NALF1: variants seen among roughly 807,000 people sequenced by gnomAD.
The protein encoded by NALF1 is family with sequence similarity 155 member A.
In NALF1, 3 loss-of-function variants were observed where a neutral mutation model predicts 48.4. That is an observed-to-expected ratio of 0.06 (90% CI 0.03 to 0.16). The LOEUF is 0.16. Among genes scored for constraint, NALF1 ranks in the 10% least tolerant of loss-of-function variants. The pLI is 1.00. For synonymous variants in NALF1, 262 were observed against 245.7 expected, an observed-to-expected ratio of 1.07 and a Z score of -0.62; for missense variants, 526 against 571.5, an observed-to-expected ratio of 0.92 and a Z score of 0.81.
intron 1 of NALF1, among the ~76,000 whole-genome samples, chr13:107,327,688 C>T (rs564832733): frequency 1.3e-5 from 2 of 152,084 alleles, no homozygotes; most frequent in Admixed American, 6.6e-5. Context: ...TGATCATTTC[C>T]GCTTTTCTTC....
At chr13:107,562,836 C>T (rs1452647633) in intron 1 of NALF1, among the ~76,000 whole-genome samples, 1 of 152,156 alleles carries the variant, frequency 6.6e-6, no homozygotes, top group East Asian at 1.9e-4. Flanking sequence ...TATGAGTGCT[C>T]TTTTTCATTT....
chr13:107,575,419 G>A (rs1357687511), intron 1 of NALF1, among the ~76,000 whole-genome samples: 1 of 152,128 alleles, frequency 6.6e-6, no homozygotes, highest in Non-Finnish European at 1.5e-5. Flanking sequence ...TGTCTCTCCA[G>A]GGCACCATCC....
At chr13:107,847,818 A>C (rs958293108) in intron 1 of NALF1, among the ~76,000 whole-genome samples, 2 of 152,218 alleles carry the variant, frequency 1.3e-5, no homozygotes, top group African/African-American at 4.8e-5. Flanking sequence ...TCTGACCCAC[A>C]GAAAGTGTGA....
At chr13:107,371,157 G>C (rs1436277119) in intron 1 of NALF1, among the ~76,000 whole-genome samples, 1 of 152,128 alleles carries the variant, frequency 6.6e-6, no homozygotes, top group African/African-American at 2.4e-5. Context: ...TAAGAGTTTT[G>C]AGATATTGGC....
intron 1 of NALF1, among the ~76,000 whole-genome samples, chr13:107,757,993 G>A (rs1877160702): frequency 6.6e-6 from 1 of 152,160 alleles, no homozygotes; most frequent in Admixed American, 6.5e-5. Context: ...TGATGGGAGA[G>A]ACAGATTATC....
intron 1 of NALF1, among the ~76,000 whole-genome samples, chr13:107,293,106 G>A (rs970974649): frequency 6.8e-6 from 1 of 147,896 alleles, no homozygotes; most frequent in East Asian, 2.1e-4. Context: ...TCAGCCTCCC[G>A]AGCAGCTGGG....
At chr13:107,804,752 TCA>T (rs1373479438) in intron 1 of NALF1, among the ~76,000 whole-genome samples, 1 of 152,228 alleles carries the variant, frequency 6.6e-6, no homozygotes, top group Non-Finnish European at 1.5e-5. Flanking sequence ...TCTTTAGAAT[TCA>T]ATATGCACTG....
intron 1 of NALF1, among the ~76,000 whole-genome samples, chr13:107,312,318 G>A (rs977024361): frequency 3.3e-5 from 5 of 151,782 alleles, no homozygotes; most frequent in African/African-American, 7.3e-5. Context: ...AAACGATCAC[G>A]AGGTCAAAAA....
At chr13:107,203,694 C>T (rs191699809) in intron 2 of NALF1, among the ~76,000 whole-genome samples, 65 of 152,292 alleles carry the variant, frequency 4.3e-4, no homozygotes, top group African/African-American at 1.4e-3. Context: ...TGGCTCAGGA[C>T]CCACCACTGA....
chr13:107,728,722 A>AT (rs199602334), intron 1 of NALF1, among the ~76,000 whole-genome samples: 10 of 150,434 alleles, frequency 6.6e-5, no homozygotes, highest in South Asian at 2.1e-4. Context: ...AAATAAATAA[A>AT]AAAGAAAAAG....
intron 1 of NALF1, among the ~76,000 whole-genome samples, chr13:107,614,291 T>C (rs1879319616): frequency 6.6e-6 from 1 of 152,212 alleles, no homozygotes; most frequent in Non-Finnish European, 1.5e-5. Flanking sequence ...ATTGGAGAAA[T>C]GCTTCTCTAC....
At chr13:107,374,840 G>A (rs191193000) in intron 1 of NALF1, among the ~76,000 whole-genome samples, 61 of 152,230 alleles carry the variant, frequency 4.0e-4, no homozygotes, top group African/African-American at 1.3e-3. Flanking sequence ...ACCATGTTAA[G>A]ATGCAGCAAG....
chr13:107,857,392 A>G (rs1880464888), intron 1 of NALF1, among the ~76,000 whole-genome samples: 1 of 152,236 alleles, frequency 6.6e-6, no homozygotes, highest in South Asian at 2.1e-4. Context: ...ATCTGGAGGC[A>G]CATGGCTTTC....
At chr13:107,443,672 A>C (rs1163880799) in intron 1 of NALF1, among the ~76,000 whole-genome samples, 1 of 152,180 alleles carries the variant, frequency 6.6e-6, no homozygotes, top group Non-Finnish European at 1.5e-5. Flanking sequence ...TCCACTTGCA[A>C]ATGGGTGTGT....
intron 1 of NALF1, among the ~76,000 whole-genome samples, chr13:107,589,956 T>C (rs1878561029): frequency 6.6e-6 from 1 of 152,006 alleles, no homozygotes; most frequent in Non-Finnish European, 1.5e-5. Flanking sequence ...ACCACTTCTA[T>C]TACGAATAGA....
At chr13:107,830,633 G>A (rs1019289173) in intron 1 of NALF1, among the ~76,000 whole-genome samples, 14 of 152,138 alleles carry the variant, frequency 9.2e-5, no homozygotes, top group African/African-American at 3.1e-4. Context: ...CAATTTCGGG[G>A]AGCGGGGGGA....
intron 1 of NALF1, among the ~76,000 whole-genome samples, chr13:107,704,374 T>C (rs1881897050): frequency 6.6e-6 from 1 of 152,234 alleles, no homozygotes; most frequent in Admixed American, 6.5e-5. Context: ...TCCTGATTAT[T>C]TTCTCTCATT....
At chr13:107,819,114 T>C (rs1421829005) in intron 1 of NALF1, among the ~76,000 whole-genome samples, 1 of 152,196 alleles carries the variant, frequency 6.6e-6, no homozygotes, top group Non-Finnish European at 1.5e-5. Context: ...CATGAGTAAA[T>C]ACTTTATAGC....
rs527704164 is a variant in NALF1, at chr13:107,392,709, G to C, written c.916-181954C>G. Among the ~76,000 whole-genome samples the C allele has an allele frequency of 2.0e-5, 3 of 152,232 alleles. No homozygotes were observed. In the South Asian group the frequency reaches 6.2e-4, roughly 32 times the overall value. On this transcript the variant is annotated intron_variant, in intron 1 of 2. Transcript: ENST00000375915. Reference sequence around the variant, plus strand: ...TGTGTGTGTGCGCGTGCATGCATGTGTGTGTAATCTCAAGTAATACACTGG... The same window carrying C: ...TGTGTGTGTGCGCGTGCATGCATGTCTGTGTAATCTCAAGTAATACACTGG...
Sources: gnomAD v4.1 joint callset for allele counts (sites outside exome capture counted in the v4.1 genomes callset) on GRCh38, gnomAD v4.1.1 for gene constraint, MANE v1.5 for transcripts, NCBI Gene and HGNC (gene_info 2026-07-23, HGNC 2026-07-21) for gene names.